The following TMEFF1 variants were observed in gnomAD, a reference collection of about 807,000 sequenced individuals.
TMEFF1 encodes tomoregulin-1.
TMEFF1 carries 20 observed loss-of-function variants against 47.5 expected under a neutral mutation model. The observed-to-expected ratio is 0.42, with a 90% CI of 0.30 to 0.61. TMEFF1 has a LOEUF of 0.61. Among genes scored for constraint, TMEFF1 ranks in the 20% least tolerant of loss-of-function variants. TMEFF1 has a pLI of 0.19. For missense variants in TMEFF1, 411 were observed against 471.1 expected, an observed-to-expected ratio of 0.87 and a Z score of 1.18; for synonymous variants, 162 against 166.3, an observed-to-expected ratio of 0.97 and a Z score of 0.20.
rs182997088 is a variant in TMEFF1, at chr9:100,526,434, T to A, written c.560+9663T>A. Among the ~76,000 whole-genome samples the A allele has an allele frequency of 1.2e-3, 187 of 152,242 alleles. 2 individuals are homozygous for A. Among genetic ancestry groups the A allele is most frequent in the Non-Finnish European group, 4.6e-4 (31 of 68,008 alleles). On this transcript the variant is annotated intron_variant, in intron 5 of 9. Transcript: ENST00000374879. ...ATCCTGGTCTAGTCTCATTTTATCT[T>A]TTTTTCCCCTGTTTTCTGTTTTAAG...
At chr9:100,527,041 G>A (rs989053710) in intron 5 of TMEFF1, among the ~76,000 whole-genome samples, 1 of 151,236 alleles carries the variant, frequency 6.6e-6, no homozygotes, top group Non-Finnish European at 1.5e-5. Flanking sequence ...TACTCTGGAG[G>A]CTGAGACACA....
intron 1 of TMEFF1, among the ~76,000 whole-genome samples, chr9:100,482,439 C>A (rs1837360572): frequency 6.7e-6 from 1 of 149,858 alleles, no homozygotes; most frequent in African/African-American, 2.5e-5. Flanking sequence ...CTCAAGTAAT[C>A]TGCCCGCCTC....
intron 5 of TMEFF1, among the ~76,000 whole-genome samples, chr9:100,540,987 C>A (rs1048344486): frequency 1.3e-5 from 2 of 151,990 alleles, no homozygotes; most frequent in Non-Finnish European, 2.9e-5. Context: ...CTATGTTTAT[C>A]TTTTTGTTTG....
Position 100,516,717 on chromosome 9 carries a change from A to G in TMEFF1, c.506A>G (p.Lys169Arg). 2 of 1,613,926 alleles carry G rather than the reference A, an allele frequency of 1.2e-6. No homozygotes were observed. Among genetic ancestry groups the G allele is most frequent in the Non-Finnish European group, 1.7e-6 (2 of 1,179,914 alleles). The change falls in exon 5 of 10, where the codon AAG (lysine) becomes AGG (arginine). Residue 169 changes from lysine to arginine, a missense_variant. Coordinates refer to ENST00000374879, the MANE Select transcript of TMEFF1 (RefSeq NM_003692.5). ...GCAGAAGTTCACAGAAAACACTCCA[A>G]GTGTGGACCCTGCAAATATAAAGCT... ...SGAEVHRKHS[K>R]CGPCKYKAEC...
intron 7 of TMEFF1, among the ~76,000 whole-genome samples, chr9:100,553,485 G>T (rs986510417): frequency 6.6e-6 from 1 of 152,184 alleles, no homozygotes; most frequent in Non-Finnish European, 1.5e-5. Flanking sequence ...ATAGTGCTCA[G>T]TAAGAAATGT....
At chr9:100,550,984 C>T (rs1327607595) in intron 7 of TMEFF1, among the ~76,000 whole-genome samples, 1 of 152,232 alleles carries the variant, frequency 6.6e-6, no homozygotes, top group African/African-American at 2.4e-5. Flanking sequence ...CTTATAACTG[C>T]TCTTTGATAG....
chr9:100,533,548 A>T (rs1288305133), intron 5 of TMEFF1, among the ~76,000 whole-genome samples: 1 of 152,108 alleles, frequency 6.6e-6, no homozygotes, highest in Non-Finnish European at 1.5e-5. Context: ...TTGCGTTATC[A>T]ATTTGAAAGT....
chr9:100,498,218 G>T (rs936068887), intron 1 of TMEFF1, among the ~76,000 whole-genome samples: 3 of 152,016 alleles, frequency 2.0e-5, no homozygotes. Flanking sequence ...TTAATTCTGT[G>T]TACACAAATG....
chr9:100,512,682 A>AGAAAG (rs1449768878), intron 3 of TMEFF1, among the ~76,000 whole-genome samples: 6 of 152,312 alleles, frequency 3.9e-5, no homozygotes, highest in African/African-American at 1.2e-4. Context: ...CTTTCTGGTA[A>AGAAAG]CTTTGATGAA....
At chr9:100,489,199 A>T (rs147509320) in intron 1 of TMEFF1, among the ~76,000 whole-genome samples, 1 of 152,072 alleles carries the variant, frequency 6.6e-6, no homozygotes, top group Non-Finnish European at 1.5e-5. Context: ...TTCTTTTAAC[A>T]TAATATTTTC....
chr9:100,521,865 C>T (rs1050104615), intron 5 of TMEFF1, among the ~76,000 whole-genome samples: 2 of 152,200 alleles, frequency 1.3e-5, no homozygotes, highest in Admixed American at 6.5e-5. Flanking sequence ...TTTAGAGATG[C>T]TGTTTCCATT....
At chr9:100,551,456 CAA>C (rs763105635) in intron 7 of TMEFF1, among the ~76,000 whole-genome samples, 2 of 152,098 alleles carry the variant, frequency 1.3e-5, no homozygotes, top group Non-Finnish European at 2.9e-5. Flanking sequence ...TCGTAGGAGA[CAA>C]AATAGGTCAG....
intron 1 of TMEFF1, among the ~76,000 whole-genome samples, chr9:100,497,010 T>G (rs1228371585): frequency 6.6e-6 from 1 of 152,204 alleles, no homozygotes; most frequent in African/African-American, 2.4e-5. Context: ...GTTATCTTCC[T>G]TTTGTCTGAA....
intron 7 of TMEFF1, among the ~76,000 whole-genome samples, chr9:100,554,755 C>T (rs116844650): frequency 1.3e-5 from 2 of 151,288 alleles, no homozygotes; most frequent in East Asian, 2.0e-4. Flanking sequence ...ATGTTAGTGG[C>T]GAAGGCTGGG....
At position 100,576,620 on chromosome 9, in the gene TMEFF1, A is replaced by C. The variant is rs367674394; in HGVS notation, c.*20A>C. 6.3e-7 allele frequency: 1 copy of C among 1,590,130 alleles called. No homozygotes were observed. Among genetic ancestry groups the C allele is most frequent in the East Asian group, 2.2e-5 (1 of 44,682 alleles). On this transcript the variant is annotated 3_prime_UTR_variant, in exon 10 of 10. Transcript: ENST00000374879. ...GTTTAAACTGATGACTTTTATATGT[A>C]CACTGACCATGTGATGTACATTTAT...
intron 5 of TMEFF1, among the ~76,000 whole-genome samples, chr9:100,543,329 C>T (rs1838669016): frequency 6.6e-6 from 1 of 152,126 alleles, no homozygotes; most frequent in Non-Finnish European, 1.5e-5. Context: ...CCTTTAGCTT[C>T]TCTAATCAGC....
intron 4 of TMEFF1, among the ~76,000 whole-genome samples, chr9:100,513,766 C>T (rs887237805): frequency 4.6e-5 from 7 of 152,120 alleles, no homozygotes; most frequent in African/African-American, 1.4e-4. Context: ...AACTCTTTCC[C>T]ATACCTTGCT....
At chr9:100,517,389 C>A (rs549962885) in intron 5 of TMEFF1, among the ~76,000 whole-genome samples, 5 of 152,192 alleles carry the variant, frequency 3.3e-5, no homozygotes, top group African/African-American at 1.2e-4. Flanking sequence ...CATTTATTTC[C>A]ATAAGATATT....
Position 100,561,398 on chromosome 9 carries a change from T to C in TMEFF1, c.777T>C (p.Asp259=), listed in dbSNP as rs1220259223. Residue 259 remains aspartate, a splice_region_variant and synonymous_variant, in exon 8 of 10, where the codon GAT becomes GAC. Transcript: ENST00000374879. ...DGLQYRPDVK[D]ASDQREDVYI... ...CGATCTGGTTTATGTTCTTTTAAGA[T>C]GCTAGTGATCAAAGAGAAGATGTTT... The C allele has an allele frequency of 6.2e-7, 1 of 1,612,356 alleles. No homozygotes were observed. The highest frequency in any genetic ancestry group is 8.5e-7 in the Non-Finnish European group (1 of 1,179,330).
Sources: allele counts gnomAD v4.1 joint callset (sites outside exome capture counted in the v4.1 genomes callset), GRCh38; gene constraint gnomAD v4.1.1; transcripts MANE v1.5; gene names NCBI Gene and HGNC (gene_info 2026-07-23, HGNC 2026-07-21).